RANBP3: variants seen among roughly 807,000 people sequenced by gnomAD.
RANBP3 encodes ran-binding protein 3.
Under a neutral mutation model 77.3 loss-of-function variants are expected in RANBP3, and 14 were observed. That is an observed-to-expected ratio of 0.18 (90% CI 0.12 to 0.28). The LOEUF (loss-of-function observed/expected upper bound fraction) is 0.28. RANBP3 is among the 10% of genes least tolerant of loss of function. The pLI, the probability that RANBP3 is intolerant of heterozygous loss-of-function variation, is 1.00. For missense variants in RANBP3, 586 were observed against 752.3 expected (o/e 0.78, Z 2.59); for synonymous variants, 315 against 312.4 (o/e 1.01, Z -0.09).
intron 5 of RANBP3, 136 bp downstream of exon 5, chr19:5,941,485 A>T: frequency 1.3e-6 from 1 of 761,054 alleles, no homozygotes; most frequent in Non-Finnish European, 2.2e-6. Context: ...CTCACTCCTG[A>T]CAGAGCCCGA....
intron 5 of RANBP3, among the ~76,000 whole-genome samples, chr19:5,937,797 G>T (rs949679209): frequency 1.3e-5 from 2 of 152,186 alleles, no homozygotes; most frequent in African/African-American, 4.8e-5. Context: ...AAAGGTCTGT[G>T]GGGAGAGAGA....
At chr19:5,918,412 CGTCCTG>C in intron 15 of RANBP3, 78 bp downstream of exon 15, 1 of 758,184 alleles carries the variant, frequency 1.3e-6, no homozygotes, top group South Asian at 2.7e-5. Context: ...CCCTCCCCAC[CGTCCTG>C]CCTGATCTGT....
At chr19:5,928,962 G>C (rs943349338) in intron 8 of RANBP3, among the ~76,000 whole-genome samples, 1 of 152,202 alleles carries the variant, frequency 6.6e-6, no homozygotes. Flanking sequence ...GGACATGAAC[G>C]TGAGGCAGGG....
At chr19:5,930,065 GCTA>G (rs1333134734) in intron 8 of RANBP3, among the ~76,000 whole-genome samples, 1 of 152,258 alleles carries the variant, frequency 6.6e-6, no homozygotes, top group Non-Finnish European at 1.5e-5. Context: ...GGTAGCGGGT[GCTA>G]CCAGGTCAGC....
intron 1 of RANBP3, among the ~76,000 whole-genome samples, chr19:5,960,281 T>C (rs2058383881): frequency 6.6e-6 from 1 of 152,230 alleles, no homozygotes; most frequent in Admixed American, 6.5e-5. Flanking sequence ...GCTCGATTTC[T>C]GCCCCTTGTC....
chr19:5,937,145 C>T (rs921095021), intron 5 of RANBP3, among the ~76,000 whole-genome samples: 5 of 148,180 alleles, frequency 3.4e-5, no homozygotes, highest in Admixed American at 2.0e-4. Flanking sequence ...CATCACTGGG[C>T]GCGAACACTG....
At chr19:5,945,206 G>C (rs1273756407) in intron 3 of RANBP3, among the ~76,000 whole-genome samples, 1 of 152,202 alleles carries the variant, frequency 6.6e-6, no homozygotes, top group Non-Finnish European at 1.5e-5. Flanking sequence ...TGCAGGCCAC[G>C]GAGAAGCCGA....
chr19:5,927,090 C>G (rs2057920865), intron 9 of RANBP3, among the ~76,000 whole-genome samples: 1 of 152,154 alleles, frequency 6.6e-6, no homozygotes, highest in Non-Finnish European at 1.5e-5. Context: ...CTAGACACAG[C>G]CACCGATACC....
At chr19:5,949,409 G>T (rs1045368773) in intron 3 of RANBP3, among the ~76,000 whole-genome samples, 16 of 152,336 alleles carry the variant, frequency 1.1e-4, no homozygotes, top group African/African-American at 3.8e-4. Context: ...ACCAGTCAGG[G>T]TGTTCTCTGC....
intron 12 of RANBP3, 82 bp from the exon 13 acceptor site, chr19:5,923,385 G>A (rs1256778797): frequency 4.2e-6 from 6 of 1,429,878 alleles, no homozygotes; most frequent in Non-Finnish European, 5.9e-6. Flanking sequence ...GGAGATGAGA[G>A]GGTTGGTTCT....
chr19:5,962,137 C>T (rs1184117014), intron 1 of RANBP3, among the ~76,000 whole-genome samples: 1 of 152,148 alleles, frequency 6.6e-6, no homozygotes, highest in East Asian at 1.9e-4. Flanking sequence ...CGCATCAACA[C>T]CCTGCAATGA....
chr19:5,964,829 G>A (rs901173702), intron 1 of RANBP3, among the ~76,000 whole-genome samples: 2 of 129,930 alleles, frequency 1.5e-5, no homozygotes, highest in African/African-American at 2.8e-5. Flanking sequence ...TGGGGGAAGA[G>A]GAGCTAAGTG....
intron 2 of RANBP3, among the ~76,000 whole-genome samples, 200 bp from the exon 3 acceptor site, chr19:5,951,796 G>T (rs537118473): frequency 6.6e-6 from 1 of 152,304 alleles, no homozygotes; most frequent in South Asian, 2.1e-4. Flanking sequence ...AGGGAAGTGA[G>T]AGTGGACTAG....
At chr19:5,963,719 C>A (rs913105935) in intron 1 of RANBP3, among the ~76,000 whole-genome samples, 4 of 152,216 alleles carry the variant, frequency 2.6e-5, no homozygotes, top group African/African-American at 9.7e-5. Flanking sequence ...TTCTGAGCCC[C>A]TCTTCCTTGG....
chr19:5,977,598 G>T (rs1350934891), intron 1 of RANBP3, among the ~76,000 whole-genome samples: 1 of 152,076 alleles, frequency 6.6e-6, no homozygotes, highest in Admixed American at 6.5e-5. Flanking sequence ...GGAGGACGAG[G>T]GCCTCACGGG....
In RANBP3 at chr19:5,958,662, C is replaced by A. The variant is rs565247454; in HGVS notation, c.23-689G>T. 2.5e-4 allele frequency among the ~76,000 whole-genome samples: 38 copies of A among 152,362 alleles called. No individual in the cohort carries two copies. In the South Asian group the frequency reaches 7.7e-3, roughly 31 times the overall value. On this transcript the variant is annotated intron_variant, in intron 1 of 16. Transcript: ENST00000340578. This position sits in a 1 kb window ranked among gnomAD's most constrained non-coding sequence, Gnocchi z 4.4. Reference sequence around the variant, plus strand: ...AGATCCACAGCCCTGTGCCACTCAGCCCCGGAGTGGGTGGCAGCCCAGGAG... The same window carrying A: ...AGATCCACAGCCCTGTGCCACTCAGACCCGGAGTGGGTGGCAGCCCAGGAG...
intron 1 of RANBP3, among the ~76,000 whole-genome samples, chr19:5,974,017 T>C (rs1222115334): frequency 1.3e-5 from 2 of 152,098 alleles, no homozygotes; most frequent in Non-Finnish European, 2.9e-5. Context: ...CTGGGGGCGA[T>C]TCTGCAGCCT....
Position 5,958,736 on chromosome 19 carries a change from C to A in RANBP3, c.23-763G>T, listed in dbSNP as rs1305570634. 1.3e-5 allele frequency among the ~76,000 whole-genome samples: 2 copies of A among 152,272 alleles called. No individual in the cohort carries two copies. Among genetic ancestry groups the A allele is most frequent in the South Asian group, 4.1e-4 (2 of 4,836 alleles). ...ACAGATGAGGACTGCCTCGACCCCA[C>A]GAGGAGGCGCAGACCACACCTGCCT... is the stretch of plus-strand genomic sequence containing the variant. On this transcript the variant is annotated intron_variant, in intron 1 of 16. Transcript: ENST00000340578. This position sits in a 1 kb window ranked among gnomAD's most constrained non-coding sequence, Gnocchi z 4.4.
intron 13 of RANBP3, 127 bp downstream of exon 13, chr19:5,923,067 G>A (rs978187090): frequency 6.9e-6 from 5 of 721,326 alleles, no homozygotes; most frequent in Non-Finnish European, 7.1e-6. Context: ...CAGAGCGTGG[G>A]GCCAGTGGCC....
Sources: allele counts gnomAD v4.1 joint callset (sites outside exome capture counted in the v4.1 genomes callset), GRCh38; gene constraint gnomAD v4.1.1; non-coding constraint Gnocchi (gnomAD v3.1); transcripts MANE v1.5; gene names NCBI Gene and HGNC (gene_info 2026-07-23, HGNC 2026-07-21).